Variants in NRG4 observed in about 807,000 individuals in gnomAD.
NRG4 encodes the protein pro-neuregulin-4, membrane-bound isoform.
A neutral mutation model predicts 15.0 loss-of-function variants in NRG4; 10 were observed. That is an observed-to-expected ratio of 0.67 (90% CI 0.41 to 1.13). The LOEUF is 1.13. NRG4 is among the 50% of genes most tolerant of loss of function. The pLI, the probability that NRG4 is intolerant of heterozygous loss-of-function variation, is 0.00. For synonymous variants in NRG4, 41 were observed against 50.1 expected (o/e 0.82, Z 0.77); for missense variants, 139 against 140.2 (o/e 0.99, Z 0.04).
At chr15:75,983,197 A>G (rs1166483357) in intron 3 of NRG4, among the ~76,000 whole-genome samples, 5 of 152,198 alleles carry the variant, frequency 3.3e-5, no homozygotes, top group East Asian at 1.9e-4. Flanking sequence ...AGCCGCTAAT[A>G]TAACTATCCT....
chr15:75,958,974 T>C (rs2141807505), intron 4 of NRG4: 1 of 182,220 alleles, frequency 5.5e-6, no homozygotes, highest in Middle Eastern at 1.8e-3. Flanking sequence ...GTTCCATTAA[T>C]TTGTTTATTT....
chr15:76,055,300 A>G (rs1362150124), intron 2 of NRG4, among the ~76,000 whole-genome samples: 1 of 152,236 alleles, frequency 6.6e-6, no homozygotes, highest in Non-Finnish European at 1.5e-5. Flanking sequence ...ATTATTCAAG[A>G]GGATAATTCC....
intron 4 of NRG4, among the ~76,000 whole-genome samples, chr15:76,043,995 AT>A (rs879424444): frequency 1.1e-3 from 169 of 147,092 alleles, no homozygotes; most frequent in Middle Eastern, 3.5e-3. Context: ...ACATGAACTA[AT>A]TTTTTTTTTT....
chr15:76,059,002 T>G (rs2036225292), intron 1 of NRG4, among the ~76,000 whole-genome samples: 1 of 152,114 alleles, frequency 6.6e-6, no homozygotes, highest in Admixed American at 6.5e-5. Flanking sequence ...ATCATGGCCC[T>G]AGGACAGGCT....
intron 2 of NRG4, among the ~76,000 whole-genome samples, chr15:76,010,466 C>T (rs1022466354): frequency 2.0e-5 from 3 of 152,056 alleles, no homozygotes; most frequent in African/African-American, 7.2e-5. Context: ...CAGATATCTC[C>T]ACAATCAGAA....
chr15:75,989,950 G>C (rs2033944318), intron 3 of NRG4, among the ~76,000 whole-genome samples: 1 of 152,154 alleles, frequency 6.6e-6, no homozygotes, highest in African/African-American at 2.4e-5. Flanking sequence ...TTGGTTTTAA[G>C]CTTTGACAGG....
upstream of NRG4, among the ~76,000 whole-genome samples, chr15:76,015,568 T>C (rs116568792): frequency 3.9e-3 from 591 of 152,312 alleles, 3 homozygotes; most frequent in African/African-American, 0.013. Flanking sequence ...GGTATTGACT[T>C]TTATCAAAGG....
In NRG4 at chr15:75,942,386, A is replaced by C. The variant is rs2141753715; in HGVS notation, c.*1252T>G. On this transcript the variant is annotated 3_prime_UTR_variant, in exon 6 of 6. Coordinates refer to ENST00000394907, the MANE Select transcript of NRG4 (RefSeq NM_138573.4). ...AAATGTGTCAATATTGGTTAAACAAATATACCACACTAGTGCAAGATGTTA... is the reference window on the plus strand; with the variant it reads ...AAATGTGTCAATATTGGTTAAACAACTATACCACACTAGTGCAAGATGTTA... 6.6e-6 allele frequency: 1 copy of C among 152,232 alleles called. No homozygotes were observed. The highest frequency in any genetic ancestry group is 2.1e-4 in the South Asian group (1 of 4,820). 9.4% of individuals were successfully genotyped at this position (152,232 alleles called of 1,614,324 possible). A position where few individuals can be genotyped will look rare whatever the true frequency, so the allele number is the denominator to read the frequency against.
Position 75,943,578 on chromosome 15 carries a change from GTGT to G in NRG4, c.*57_*59del, listed in dbSNP as rs904668238. ...AGATTTTTAATTCTTTTACCTAGTG[GTGT>G]TTCATTTTCTGCCTTTGTAAAATAA... On this transcript the variant is annotated 3_prime_UTR_variant, in exon 6 of 6. Coordinates refer to ENST00000394907, the MANE Select transcript of NRG4 (RefSeq NM_138573.4). The G allele has an allele frequency of 4.1e-6, 4 of 984,842 alleles. No individual in the cohort carries two copies. The highest frequency in any genetic ancestry group is 6.5e-6 in the Non-Finnish European group (4 of 616,758). The allele number at this position is 984,842 out of a possible 1,614,324, so 61.0% of individuals were successfully genotyped here. A position where few individuals can be genotyped will look rare whatever the true frequency, so the allele number is the denominator to read the frequency against.
intron 4 of NRG4, among the ~76,000 whole-genome samples, chr15:76,041,578 G>C (rs1439473557): frequency 1.3e-5 from 2 of 152,002 alleles, no homozygotes; most frequent in Non-Finnish European, 2.9e-5. Flanking sequence ...CTTTTAAGAA[G>C]AGACAAATAA....
chr15:76,027,305 A>C (rs958891272), intron 5 of NRG4, among the ~76,000 whole-genome samples: 6 of 151,710 alleles, frequency 4.0e-5, no homozygotes, highest in Non-Finnish European at 8.8e-5. Flanking sequence ...TCAAGTCAAA[A>C]GCTGTACAAA....
Position 76,012,359 on chromosome 15 carries a change from CAA to C in NRG4, c.-99_-98del, listed in dbSNP as rs1338310425. On this transcript the variant is annotated 5_prime_UTR_variant, in exon 1 of 6. It introduces an in-frame stop codon into an upstream open reading frame of the 5' UTR. Transcript: ENST00000394907. Reference sequence around the variant, plus strand: ...AAATTTTGTTGGACATGCAGTGTTTCAAAAGTTTTTGAATACCGCAGACAACA... The same window carrying C: ...AAATTTTGTTGGACATGCAGTGTTTCAAGTTTTTGAATACCGCAGACAACA... The C allele has an allele frequency of 6.6e-6, 1 of 152,166 alleles. No homozygotes were observed. Among genetic ancestry groups the C allele is most frequent in the Non-Finnish European group, 1.5e-5 (1 of 68,032 alleles). 9.4% of individuals were successfully genotyped at this position (152,166 alleles called of 1,614,324 possible).
At chr15:75,959,103 T>C in intron 4 of NRG4, 1 of 396,054 alleles carries the variant, frequency 2.5e-6, no homozygotes, top group Non-Finnish European at 5.1e-6. Flanking sequence ...CATCTCAGCC[T>C]CCCAAGCAGC....
At chr15:75,961,571 G>A (rs1046433571) in intron 4 of NRG4, among the ~76,000 whole-genome samples, 1 of 152,114 alleles carries the variant, frequency 6.6e-6, no homozygotes, top group Non-Finnish European at 1.5e-5. Context: ...TGGCATATTT[G>A]CTATAGTGAG....
chr15:75,936,662 C>T (rs2030369421), downstream of NRG4: 1 of 152,098 alleles, frequency 6.6e-6, no homozygotes. Context: ...GCAACCTCCA[C>T]CTCCTGGGTT....
At chr15:75,992,286 C>T (rs569431377) in intron 3 of NRG4, among the ~76,000 whole-genome samples, 21 of 152,212 alleles carry the variant, frequency 1.4e-4, no homozygotes, top group East Asian at 1.9e-4. Context: ...TTTATATTTA[C>T]GCATATTTTT....
chr15:76,044,861 T>G (rs1039125228), intron 4 of NRG4, among the ~76,000 whole-genome samples: 2 of 148,472 alleles, frequency 1.3e-5, no homozygotes, highest in Non-Finnish European at 3.0e-5. Flanking sequence ...AAAAAAAGAT[T>G]TCTTGAGTAA....
intron 3 of NRG4, among the ~76,000 whole-genome samples, chr15:75,972,844 G>A (rs1034328303): frequency 2.0e-5 from 3 of 152,076 alleles, no homozygotes; most frequent in Non-Finnish European, 4.4e-5. Flanking sequence ...GGACTGTCTT[G>A]GCTATACAGG....
chr15:75,954,756 C>T (rs553976904), intron 5 of NRG4, among the ~76,000 whole-genome samples: 26 of 151,940 alleles, frequency 1.7e-4, no homozygotes, highest in Middle Eastern at 3.2e-3. Context: ...ATTTTGAGCA[C>T]ATTTTCTGCT....
Sources: allele counts gnomAD v4.1 joint callset (sites outside exome capture counted in the v4.1 genomes callset), GRCh38; gene constraint gnomAD v4.1.1; transcripts MANE v1.5; gene names NCBI Gene and HGNC (gene_info 2026-07-23, HGNC 2026-07-21).